Variants in NAV2 observed in about 807,000 individuals in gnomAD.
NAV2 encodes the protein neuron navigator 2.
A neutral mutation model predicts 223.2 loss-of-function variants in NAV2; 54 were observed. The ratio of observed to expected loss-of-function variants is 0.24; its 90% confidence interval spans 0.19 to 0.30. NAV2 has a LOEUF of 0.30. Ranked by LOEUF, NAV2 falls within the 10% of genes least tolerant of loss-of-function variation. NAV2 has a pLI of 1.00. For synonymous variants in NAV2, 1,279 were observed against 1,239.3 expected, an observed-to-expected ratio of 1.03 and a Z score of -0.67; for missense variants, 2,806 against 3,147.5, an observed-to-expected ratio of 0.89 and a Z score of 2.60.
exon 1 of NAV2, chr11:19,350,892 TTTGTTCCTCTGTGGA>T (rs1853268808): frequency 1.3e-6 from 2 of 1,518,638 alleles, no homozygotes; most frequent in Non-Finnish European, 1.8e-6. Flanking sequence ...TGTGGGTTAT[TTTGTTCCTCTGTGGA>T]TTTGGAAGCA....
intron 6 of NAV2, among the ~76,000 whole-genome samples, chr11:19,914,618 C>G (rs7122909): frequency 0.19 from 29,168 of 150,954 alleles, 3,243 homozygotes; most frequent in East Asian, 0.45. Flanking sequence ...AATCTCGGCT[C>G]ACTGCAAGCT....
intron 1 of NAV2, among the ~76,000 whole-genome samples, chr11:19,618,408 G>C (rs71453075): frequency 7.0e-6 from 1 of 142,124 alleles, no homozygotes; most frequent in African/African-American, 2.9e-5. Flanking sequence ...ATAGATGGAT[G>C]GATGGATGGA....
At chr11:20,039,416 C>G (rs1234706201) in intron 12 of NAV2, among the ~76,000 whole-genome samples, 1 of 152,034 alleles carries the variant, frequency 6.6e-6, no homozygotes, top group African/African-American at 2.4e-5. Flanking sequence ...CCCTCCATTT[C>G]TCTTATCTCT....
intron 1 of NAV2, among the ~76,000 whole-genome samples, chr11:19,397,396 AGTGTGT>A (rs1554919830): frequency 9.0e-5 from 13 of 143,820 alleles, no homozygotes; most frequent in Admixed American, 2.8e-4. Context: ...TTCTCTGGGG[AGTGTGT>A]GTGTGTGTGT....
chr11:19,815,708 G>C (rs1261318293), intron 1 of NAV2, among the ~76,000 whole-genome samples: 3 of 152,210 alleles, frequency 2.0e-5, no homozygotes, highest in Non-Finnish European at 4.4e-5. Flanking sequence ...TGGTCTGTTA[G>C]CTGGACAGAT....
At chr11:19,610,926 TC>T (rs2046621985) in intron 1 of NAV2, among the ~76,000 whole-genome samples, 1 of 151,556 alleles carries the variant, frequency 6.6e-6, no homozygotes, top group African/African-American at 2.4e-5. Context: ...CTCGTCTTTC[TC>T]CAGGCTCAGC....
intron 1 of NAV2, among the ~76,000 whole-genome samples, chr11:19,704,784 G>A (rs1035678730): frequency 6.6e-6 from 1 of 151,908 alleles, no homozygotes; most frequent in African/African-American, 2.4e-5. Context: ...AGGCCGAGGC[G>A]GGTGGATCAC....
chr11:19,741,124 C>G (rs965956322), intron 1 of NAV2, among the ~76,000 whole-genome samples: 2 of 152,210 alleles, frequency 1.3e-5, no homozygotes, highest in African/African-American at 4.8e-5. Flanking sequence ...TAGCCTCCCC[C>G]TTACAGATTT....
intron 12 of NAV2, among the ~76,000 whole-genome samples, chr11:20,041,520 T>C (rs1265988406): frequency 1.3e-5 from 2 of 152,194 alleles, no homozygotes; most frequent in African/African-American, 4.8e-5. Flanking sequence ...GAAATAAGTA[T>C]AGGAACATTA....
At chr11:19,590,224 A>C (rs1273278898) in intron 1 of NAV2, among the ~76,000 whole-genome samples, 1 of 152,222 alleles carries the variant, frequency 6.6e-6, no homozygotes, top group Non-Finnish European at 1.5e-5. Context: ...GGCACACACT[A>C]AACACTCAAA....
At chr11:19,397,418 T>TGTGTGTGTGTGTGTGCGCGCGC (rs57566081) in intron 1 of NAV2, among the ~76,000 whole-genome samples, 1 of 145,264 alleles carries the variant, frequency 6.9e-6, no homozygotes, top group African/African-American at 2.6e-5. Flanking sequence ...TGTGTGTGTG[T>TGTGTGTGTGTGTGTGCGCGCGC]GCGCGCATGT....
Position 19,647,367 on chromosome 11 carries a change from C to T in NAV2, c.76-185117C>T, listed in dbSNP as rs115462550. Among the ~76,000 whole-genome samples the T allele has an allele frequency of 2.5e-3, 373 of 152,210 alleles. 1 individual carries two copies. Among genetic ancestry groups the T allele is most frequent in the African/African-American group, 6.4e-3 (266 of 41,538 alleles). On this transcript the variant is annotated intron_variant, in intron 1 of 37. Transcript: ENST00000360655. Reference sequence around the variant, plus strand: ...CTGCTCTTTGCTTCCCAAAATGTCCCGGCTTTTCTGATCCTCCCAAGCCTG... The same window carrying T: ...CTGCTCTTTGCTTCCCAAAATGTCCTGGCTTTTCTGATCCTCCCAAGCCTG...
chr11:19,363,555 G>A (rs1174561628), intron 1 of NAV2, among the ~76,000 whole-genome samples: 3 of 152,128 alleles, frequency 2.0e-5, no homozygotes, highest in Non-Finnish European at 2.9e-5. Flanking sequence ...TTCTATCCAC[G>A]GAATACTTCT....
intron 14 of NAV2, among the ~76,000 whole-genome samples, chr11:20,047,696 A>G (rs926458956): frequency 9.2e-5 from 14 of 152,114 alleles, no homozygotes; most frequent in Non-Finnish European, 2.9e-5. Flanking sequence ...GCCACCACCC[A>G]CTGTAGTAAG....
At chr11:19,927,852 A>G (rs1591282065) in intron 6 of NAV2, among the ~76,000 whole-genome samples, 2 of 152,196 alleles carry the variant, frequency 1.3e-5, no homozygotes, top group African/African-American at 4.8e-5. Flanking sequence ...TGTTTATTGG[A>G]TGGCAATATA....
intron 1 of NAV2, among the ~76,000 whole-genome samples, chr11:19,493,352 T>G (rs1225468840): frequency 6.6e-6 from 1 of 152,244 alleles, no homozygotes; most frequent in East Asian, 1.9e-4. Context: ...ATCTCATAAC[T>G]ATGTAGGAAT....
intron 1 of NAV2, among the ~76,000 whole-genome samples, chr11:19,744,400 G>A (rs907375352): frequency 6.6e-6 from 1 of 152,164 alleles, no homozygotes; most frequent in East Asian, 1.9e-4. Context: ...ACCTCCAGAA[G>A]GTTTAGTTCT....
At chr11:19,927,645 C>G (rs542259637) in intron 6 of NAV2, among the ~76,000 whole-genome samples, 1 of 151,812 alleles carries the variant, frequency 6.6e-6, no homozygotes, top group African/African-American at 2.4e-5. Flanking sequence ...CGAGATTGCA[C>G]CAGTGCACTC....
intron 1 of NAV2, among the ~76,000 whole-genome samples, chr11:19,619,492 G>C (rs547259867): frequency 6.6e-6 from 1 of 152,272 alleles, no homozygotes. Context: ...GTTTTGATTT[G>C]CATTTCTCTG....
Sources: allele counts gnomAD v4.1 joint callset (sites outside exome capture counted in the v4.1 genomes callset), GRCh38; gene constraint gnomAD v4.1.1; transcripts MANE v1.5; gene names NCBI Gene and HGNC (gene_info 2026-07-23, HGNC 2026-07-21).